Variants in TSC1 observed in about 807,000 individuals in gnomAD.
TSC1 encodes the protein TSC complex subunit 1.
Under a neutral mutation model 124.3 loss-of-function variants are expected in TSC1, and 20 were observed. The observed-to-expected ratio is 0.16, with a 90% CI of 0.11 to 0.23. TSC1 has a LOEUF of 0.23. Ranked by LOEUF, TSC1 falls within the 10% of genes least tolerant of loss-of-function variation. The pLI is 1.00. For synonymous variants in TSC1, 493 were observed against 539.1 expected, an observed-to-expected ratio of 0.91 and a Z score of 1.19; for missense variants, 1,124 against 1,448.5, an observed-to-expected ratio of 0.78 and a Z score of 3.64.
At chr9:132,916,285 C>T (rs1846269321) in intron 8 of TSC1, among the ~76,000 whole-genome samples, 1 of 151,976 alleles carries the variant, frequency 6.6e-6, no homozygotes, top group Non-Finnish European at 1.5e-5. Flanking sequence ...ACTAAAGGTT[C>T]CTCCCATCCC....
chr9:132,894,817 A>G lies in TSC1; in HGVS notation c.*1418T>C, dbSNP rs556956686. The G allele has an allele frequency of 1.3e-4, 31 of 231,224 alleles. No homozygotes were observed. Among genetic ancestry groups the G allele is most frequent in the Middle Eastern group, 1.3e-3 (1 of 770 alleles). 14.3% of individuals were successfully genotyped at this position (231,224 alleles called of 1,614,324 possible). On this transcript the variant is annotated 3_prime_UTR_variant, in exon 23 of 23. Coordinates refer to ENST00000298552, the MANE Select transcript of TSC1 (RefSeq NM_000368.5). Reference sequence around the variant, plus strand: ...CTGAATCCTTCTATTCTTTTTAATGAAAGATAGAAACAGGAAAGCCAAGTT... The same window carrying G: ...CTGAATCCTTCTATTCTTTTTAATGGAAGATAGAAACAGGAAAGCCAAGTT...
intron 20 of TSC1, among the ~76,000 whole-genome samples, chr9:132,898,385 G>A (rs1054658203): frequency 1.3e-5 from 2 of 152,180 alleles, no homozygotes; most frequent in Admixed American, 6.5e-5. Context: ...TATGTTTACC[G>A]TGGTAAAATA....
intron 2 of TSC1, among the ~76,000 whole-genome samples, chr9:132,931,972 C>G (rs542548534): frequency 6.6e-6 from 1 of 152,268 alleles, no homozygotes; most frequent in East Asian, 1.9e-4. Flanking sequence ...AAGATTAGCA[C>G]CACAGACACA....
chr9:132,905,433 C>T (rs993821393), intron 15 of TSC1, 148 bp downstream of exon 15: 220 of 1,090,766 alleles, frequency 2.0e-4, no homozygotes, highest in Middle Eastern at 8.8e-4. Context: ...GAAGATGCAA[C>T]AGCCTAGAAG....
rs758670866 is a variant in TSC1 at position 132,921,338 on chromosome 9, A to G, written c.737+25T>C. ...TTTTCAATCTCTCGAAAGATTCTTT[A>G]AAATTTTGACACTAGTTTCTATACC... On this transcript the variant is annotated intron_variant, in intron 8 of 22. Transcript: ENST00000298552. The surrounding 1 kb of genome is among the most constrained non-coding windows in gnomAD (Gnocchi z 4.3). 4 of 1,612,252 alleles carry G rather than the reference A, an allele frequency of 2.5e-6. No homozygotes were observed. Among genetic ancestry groups the G allele is most frequent in the Non-Finnish European group, 3.4e-6 (4 of 1,178,342 alleles).
At chr9:132,930,166 C>G (rs1190957234) in intron 2 of TSC1, among the ~76,000 whole-genome samples, 3 of 152,152 alleles carry the variant, frequency 2.0e-5, no homozygotes, top group Non-Finnish European at 4.4e-5. Context: ...CCTTCCAAAA[C>G]TGTATTTTGG....
chr9:132,896,137 C>A lies in TSC1; in HGVS notation c.*98G>T. 6.4e-7 allele frequency: 1 copy of A among 1,561,298 alleles called. No homozygotes were observed. The highest frequency in any genetic ancestry group is 8.8e-7 in the Non-Finnish European group (1 of 1,138,858). ...CGTCCCATTTCCACACATGAACTTG[C>A]ACTCAGACCCTGGAAACAGGAAAGC... On this transcript the variant is annotated 3_prime_UTR_variant, in exon 23 of 23. Transcript: ENST00000298552. This position sits in a 1 kb window ranked among gnomAD's most constrained non-coding sequence, Gnocchi z 4.5.
rs2132228541 is a variant in TSC1, at chr9:132,925,569, T to A, written c.363+18A>T. The A allele has an allele frequency of 6.2e-7, 1 of 1,614,110 alleles. No individual in the cohort carries two copies. Among genetic ancestry groups the A allele is most frequent in the Admixed American group, 1.7e-5 (1 of 60,018 alleles). On this transcript the variant is annotated intron_variant, in intron 5 of 22. Coordinates refer to ENST00000298552, the MANE Select transcript of TSC1 (RefSeq NM_000368.5). ...TACTCATAAAACCATTTCATTCAAATCCTTACAAACATCCTACCTTGAGAC... is the reference window on the plus strand; with the variant it reads ...TACTCATAAAACCATTTCATTCAAAACCTTACAAACATCCTACCTTGAGAC...
intron 8 of TSC1, among the ~76,000 whole-genome samples, chr9:132,919,274 G>A (rs1846418071): frequency 6.6e-6 from 1 of 152,206 alleles, no homozygotes; most frequent in South Asian, 2.1e-4. Flanking sequence ...GTGGTGCAGG[G>A]ATGAACTGGA....
Position 132,912,346 on chromosome 9 carries a change from G to T in TSC1, c.849C>A (p.Ala283=), listed in dbSNP as rs2131998315. 6.2e-7 allele frequency: 1 copy of T among 1,614,162 alleles called. No homozygotes were observed. Among genetic ancestry groups the T allele is most frequent in the Non-Finnish European group, 8.5e-7 (1 of 1,180,040 alleles). The change falls in exon 9 of 23, where the codon GCC becomes GCA. Residue 283 remains alanine, a synonymous_variant. Transcript: ENST00000298552. ...CATCGGCTGAACGATGAGGAAAGCG[G>T]GCTGAGATTTGGTGAGACACAGAAT... The part of the protein sequence containing the change: ...DGYSVSHQIS[A]RFPHRSADVT...
chr9:132,921,748 T>C lies in TSC1; in HGVS notation c.663+71A>G, dbSNP rs901403783. 1 of 1,591,740 alleles carries C rather than the reference T, an allele frequency of 6.3e-7. No homozygotes were observed. Among genetic ancestry groups the C allele is most frequent in the Admixed American group, 1.7e-5 (1 of 59,932 alleles). ...CAAAATTTCCCTGTCTGCCGTTAAA[T>C]ACAAAAGGTATAAATGCAGCCTATC... On this transcript the variant is annotated intron_variant, in intron 7 of 22. Coordinates refer to ENST00000298552, the MANE Select transcript of TSC1 (RefSeq NM_000368.5). The surrounding 1 kb of genome is among the most constrained non-coding windows in gnomAD (Gnocchi z 4.3).
chr9:132,921,125 T>C lies in TSC1; in HGVS notation c.737+238A>G, dbSNP rs769692559. ...GGCACTACTGAGGTGTAAGCCTTTC[T>C]GGGGGACAGGCACTTGTGCTGCAAC... On this transcript the variant is annotated intron_variant, in intron 8 of 22. Coordinates refer to ENST00000298552, the MANE Select transcript of TSC1 (RefSeq NM_000368.5). This position sits in a 1 kb window ranked among gnomAD's most constrained non-coding sequence, Gnocchi z 4.3. Among the ~76,000 whole-genome samples the C allele has an allele frequency of 1.3e-5, 2 of 152,084 alleles. No individual in the cohort carries two copies. Among genetic ancestry groups the C allele is most frequent in the African/African-American group, 2.4e-5 (1 of 41,436 alleles).
At chr9:132,936,111 TTTTC>T (rs559131208) in intron 1 of TSC1, among the ~76,000 whole-genome samples, 1 of 152,124 alleles carries the variant, frequency 6.6e-6, no homozygotes, top group South Asian at 2.1e-4. Flanking sequence ...AATCTTTTCT[TTTTC>T]TTTCTTTCTC....
In TSC1 at chr9:132,921,015, C is replaced by G. The variant is rs1201852444; in HGVS notation, c.737+348G>C. ...GAAGTCCTTTCTCCATTTTGCAAAG[C>G]CAGATTTATATATATGCTAAATTGT... On this transcript the variant is annotated intron_variant, in intron 8 of 22. Transcript: ENST00000298552. This position sits in a 1 kb window ranked among gnomAD's most constrained non-coding sequence, Gnocchi z 4.3. Among the ~76,000 whole-genome samples, 1 of 151,692 alleles carries G rather than the reference C, an allele frequency of 6.6e-6. No homozygotes were observed. Among genetic ancestry groups the G allele is most frequent in the Non-Finnish European group, 1.5e-5 (1 of 67,944 alleles).
Position 132,921,679 on chromosome 9 carries a change from T to G in TSC1, c.663+140A>C. On this transcript the variant is annotated intron_variant, in intron 7 of 22. Coordinates refer to ENST00000298552, the MANE Select transcript of TSC1 (RefSeq NM_000368.5). The surrounding 1 kb of genome is among the most constrained non-coding windows in gnomAD (Gnocchi z 4.3). ...TTAAGACAGAAAACAGATTAGTGGC[T>G]GCCTAGGGATTGGAGTGGCGAGGAA... 1 of 1,161,708 alleles carries G rather than the reference T, an allele frequency of 8.6e-7. No homozygotes were observed. The highest frequency in any genetic ancestry group is 1.3e-5 in the South Asian group (1 of 78,426). 72.0% of individuals were successfully genotyped at this position (1,161,708 alleles called of 1,614,324 possible). A position where few individuals can be genotyped will look rare whatever the true frequency, so the allele number is the denominator to read the frequency against.
rs761099396 is a variant in TSC1 at position 132,897,411 on chromosome 9, G to A, written c.2813+12C>T. 1.2e-5 allele frequency: 19 copies of A among 1,614,024 alleles called. No homozygotes were observed. Among genetic ancestry groups the A allele is most frequent in the Middle Eastern group, 1.6e-4 (1 of 6,084 alleles). ...TAATAAAAACACAAAAGCCTTTCCT[G>A]ATGAAAGTTACCTTGCCTGGAGTTT... On this transcript the variant is annotated intron_variant, in intron 21 of 22. Transcript: ENST00000298552.
rs1037156757 is a variant in TSC1 at position 132,908,671 on chromosome 9, C to T, written c.1264-1301G>A. Among the ~76,000 whole-genome samples the T allele has an allele frequency of 4.6e-5, 7 of 150,656 alleles. No homozygotes were observed. The South Asian group carries it at 6.3e-4, about 14-fold the overall frequency. Reference sequence around the variant, plus strand: ...GCATGTTGCCCAGGCTGGTCTTGAACGCCTGGGCTCAAGCAATCTACCTCC... The same window carrying T: ...GCATGTTGCCCAGGCTGGTCTTGAATGCCTGGGCTCAAGCAATCTACCTCC... On this transcript the variant is annotated intron_variant, in intron 12 of 22. Coordinates refer to ENST00000298552, the MANE Select transcript of TSC1 (RefSeq NM_000368.5).
chr9:132,937,889 A>AT (rs1179862320), intron 1 of TSC1, among the ~76,000 whole-genome samples: 2 of 151,862 alleles, frequency 1.3e-5, no homozygotes, highest in Non-Finnish European at 2.9e-5. Flanking sequence ...TAATTTTTGT[A>AT]TTTTTTTGTA....
rs375667018 is a variant in TSC1, at chr9:132,935,151, G to A, written c.-143-56C>T. The A allele has an allele frequency of 4.8e-5, 19 of 398,566 alleles. No individual in the cohort carries two copies. The South Asian group carries it at 1.3e-3, about 27-fold the overall frequency. 24.7% of individuals were successfully genotyped at this position (398,566 alleles called of 1,614,324 possible). On this transcript the variant is annotated intron_variant, in intron 1 of 22. Transcript: ENST00000298552. ...CAAAATCCCAGATGTAATCAAAAGC[G>A]GGTTAGGGGTTCATCTGGCACAAGC...
Sources: gnomAD v4.1 joint callset for allele counts (sites outside exome capture counted in the v4.1 genomes callset) on GRCh38, gnomAD v4.1.1 for gene constraint, Gnocchi (gnomAD v3.1) non-coding constraint, MANE v1.5 for transcripts, NCBI Gene and HGNC (gene_info 2026-07-23, HGNC 2026-07-21) for gene names.